Variants in ZNF169 observed in about 807,000 individuals in gnomAD.
ZNF169 encodes the protein zinc finger protein 169.
ZNF169 carries 11 observed loss-of-function variants against 12.0 expected under a neutral mutation model. The observed-to-expected ratio is 0.92, with a 90% CI of 0.58 to 1.52. The LOEUF (loss-of-function observed/expected upper bound fraction) is 1.52, where lower values mean the gene tolerates loss of function less well. ZNF169 is among the 40% of genes most tolerant of loss of function. The probability of loss-of-function intolerance (pLI) is 0.00; values close to 1 mark genes in which losing one functional copy is unlikely to be tolerated. For missense variants in ZNF169, 722 were observed against 744.0 expected, an observed-to-expected ratio of 0.97 and a Z score of 0.34; for synonymous variants, 302 against 286.5, an observed-to-expected ratio of 1.05 and a Z score of -0.55.
chr9:94,299,879 C>G lies in ZNF169; in HGVS notation c.321C>G (p.Leu107=), dbSNP rs1162593886. ...TGGCCTTTTCTAGCTCGCAGCTCCTCAGACAATATGCGCTAAGTGGCCATC... is the reference window on the plus strand; with the variant it reads ...TGGCCTTTTCTAGCTCGCAGCTCCTGAGACAATATGCGCTAAGTGGCCATC... ...HLVAFSSSQL[L]RQYALSGHPT... The change falls in exon 5 of 5, where the codon CTC becomes CTG. Residue 107 remains leucine (L), a synonymous_variant. Coordinates refer to ENST00000395395, the MANE Select transcript of ZNF169 (RefSeq NM_194320.4). The G allele has an allele frequency of 1.5e-5, 25 of 1,614,032 alleles. No homozygotes were observed. The highest frequency in any genetic ancestry group is 2.1e-5 in the Non-Finnish European group (25 of 1,180,048).
At chr9:94,265,579 C>CA (rs58394124) in intron 1 of ZNF169, among the ~76,000 whole-genome samples, 143 of 123,650 alleles carry the variant, frequency 1.2e-3, no homozygotes, top group Middle Eastern at 4.5e-3. Flanking sequence ...GACTCTGTCT[C>CA]AAAAAAAAAA....
At chr9:94,279,119 T>C (rs1334678284) in intron 2 of ZNF169, among the ~76,000 whole-genome samples, 1 of 152,076 alleles carries the variant, frequency 6.6e-6, no homozygotes, top group East Asian at 1.9e-4. Context: ...TACAAAAGTA[T>C]AGTGGCTCAC....
intron 4 of ZNF169, 128 bp from the exon 5 acceptor site, chr9:94,299,676 TGCTGCAATAGA>T (rs748366860): frequency 5.1e-5 from 74 of 1,440,904 alleles, no homozygotes; most frequent in Non-Finnish European, 6.7e-5. Flanking sequence ...GGGTTTTCTG[TGCTGCAATAGA>T]GCATGTAATG....
At chr9:94,270,357 CTCTT>C in intron 1 of ZNF169, among the ~76,000 whole-genome samples, 1 of 151,690 alleles carries the variant, frequency 6.6e-6, no homozygotes, top group Non-Finnish European at 1.5e-5. Flanking sequence ...TTCTTTTCTA[CTCTT>C]TCTTCACTTT....
At position 94,301,419 on chromosome 9, in the gene ZNF169, G is replaced by A. The variant is rs759725937; in HGVS notation, c.*49G>A. On this transcript the variant is annotated 3_prime_UTR_variant, in exon 5 of 5. Transcript: ENST00000395395. ...AAGCTGGCAGAAATCACTAGTAAAT[G>A]CTTCAGTTTCCTGAAATGGAATGGA... is the stretch of plus-strand genomic sequence containing the variant. The A allele has an allele frequency of 3.3e-6, 5 of 1,496,114 alleles. No homozygotes were observed. Among genetic ancestry groups the A allele is most frequent in the Non-Finnish European group, 4.5e-6 (5 of 1,122,268 alleles). 92.7% of individuals were successfully genotyped at this position (1,496,114 alleles called of 1,614,324 possible). A position where few individuals can be genotyped will look rare whatever the true frequency, so the allele number is the denominator to read the frequency against.
rs371526596 is a variant in ZNF169, at chr9:94,292,478, C to T, written c.160+11C>T. 4 of 1,611,148 alleles carry T rather than the reference C, an allele frequency of 2.5e-6. No homozygotes were observed. Among genetic ancestry groups the T allele is most frequent in the Non-Finnish European group, 3.4e-6 (4 of 1,178,450 alleles). Reference sequence around the variant, plus strand: ...ATCTGGTCTCCCTGGGTAAGGCTGGCCTGTTTAAGGTTTCAGATTCTGCTT... The same window carrying T: ...ATCTGGTCTCCCTGGGTAAGGCTGGTCTGTTTAAGGTTTCAGATTCTGCTT... On this transcript the variant is annotated intron_variant, in intron 3 of 4. Transcript: ENST00000395395.
At position 94,300,111 on chromosome 9, in the gene ZNF169, G is replaced by A; in HGVS notation, c.553G>A (p.Asp185Asn). The A allele has an allele frequency of 6.2e-7, 1 of 1,614,184 alleles. No individual in the cohort carries two copies. The highest frequency in any genetic ancestry group is 1.1e-5 in the South Asian group (1 of 91,082). Residue 185 changes from aspartate (D) to asparagine (N), a missense_variant, in exon 5 of 5, where the codon GAC (aspartate) becomes AAC (asparagine). Transcript: ENST00000395395. ...WVEGNREGGT[D>N]LRLAQRMSLG... ...AGAAGGGAACAGAGAAGGAGGAACA[G>A]ACCTTCGCCTGGCCCAAAGGATGAG...
intron 1 of ZNF169, among the ~76,000 whole-genome samples, chr9:94,260,400 G>A (rs1830180509): frequency 6.6e-6 from 1 of 152,166 alleles, no homozygotes; most frequent in Non-Finnish European, 1.5e-5. Context: ...CACTGTGGTG[G>A]TGATGGTGCA....
At chr9:94,264,317 G>A (rs879820083) in intron 1 of ZNF169, among the ~76,000 whole-genome samples, 1 of 152,066 alleles carries the variant, frequency 6.6e-6, no homozygotes, top group African/African-American at 2.4e-5. Context: ...TGTATTTTTA[G>A]TAGAGATGGG....
intron 1 of ZNF169, among the ~76,000 whole-genome samples, chr9:94,272,915 C>T (rs1010982801): frequency 1.3e-5 from 2 of 151,964 alleles, no homozygotes; most frequent in African/African-American, 2.4e-5. Context: ...TTGTAGTGGC[C>T]ATACAAATTG....
intron 2 of ZNF169, chr9:94,288,483 T>A (rs1830761459): frequency 1.3e-6 from 1 of 793,064 alleles, no homozygotes; most frequent in Non-Finnish European, 2.1e-6. Flanking sequence ...TTAAGCCAAA[T>A]CCATAGCCAT....
At chr9:94,282,590 T>C (rs1830661058) in intron 2 of ZNF169, among the ~76,000 whole-genome samples, 1 of 152,188 alleles carries the variant, frequency 6.6e-6, no homozygotes, top group South Asian at 2.1e-4. Context: ...TGACTTTGAA[T>C]AGAATGGGAG....
At chr9:94,271,811 G>A (rs1281017042) in intron 1 of ZNF169, among the ~76,000 whole-genome samples, 2 of 151,956 alleles carry the variant, frequency 1.3e-5, no homozygotes, top group South Asian at 4.1e-4. Context: ...CTATTGCTGG[G>A]TTTGACTTTC....
Position 94,274,313 on chromosome 9 carries a change from A to G in ZNF169, c.-55-4445A>G, listed in dbSNP as rs1452648058. 3.3e-5 allele frequency among the ~76,000 whole-genome samples: 5 copies of G among 152,212 alleles called. No individual in the cohort carries two copies. The East Asian group carries it at 9.6e-4, about 29-fold the overall frequency. ...GACAAGGAATAATTCAGCCTGGAAC[A>G]GCTCCAAGTCACAAATTTGGTAAGT... is the stretch of plus-strand genomic sequence containing the variant. On this transcript the variant is annotated intron_variant, in intron 1 of 4. Coordinates refer to ENST00000395395, the MANE Select transcript of ZNF169 (RefSeq NM_194320.4).
At chr9:94,282,489 C>T (rs938375835) in intron 2 of ZNF169, among the ~76,000 whole-genome samples, 2 of 152,118 alleles carry the variant, frequency 1.3e-5, no homozygotes, top group Non-Finnish European at 2.9e-5. Flanking sequence ...GTTACAGATA[C>T]GTGAGAGGGA....
At chr9:94,280,672 G>A (rs1427552145) in intron 2 of ZNF169, among the ~76,000 whole-genome samples, 3 of 152,192 alleles carry the variant, frequency 2.0e-5, no homozygotes, top group Non-Finnish European at 4.4e-5. Flanking sequence ...AGGGGAAGGG[G>A]TTCTTATTCC....
Position 94,301,045 on chromosome 9 carries a change from G to A in ZNF169, c.1487G>A (p.Gly496Asp). The A allele has an allele frequency of 6.2e-7, 1 of 1,614,092 alleles. No individual in the cohort carries two copies. ...YLCPKCGRAF[G>D]FKSLLTRHQR... ...TGCCCCAAGTGTGGGCGTGCATTTG[G>A]CTTTAAGTCGCTCCTCACCCGACAC... The change falls in exon 5 of 5, where the codon GGC (glycine) becomes GAC (aspartate). Residue 496 changes from glycine (G) to aspartate (D), a missense_variant. Gly to Asp is a moderately conservative substitution (Grantham distance 94). Transcript: ENST00000395395.
chr9:94,292,560 G>GT lies in ZNF169; in HGVS notation c.160+99dup, dbSNP rs960312960. On this transcript the variant is annotated intron_variant, in intron 3 of 4. Transcript: ENST00000395395. ...GCCATGCTTCTGACTCAGAAAAACAGTTTTTTCCCCTATTCCCCCAGAGAA... is the reference window on the plus strand; with the variant it reads ...GCCATGCTTCTGACTCAGAAAAACAGTTTTTTTCCCCTATTCCCCCAGAGAA... 29 of 1,525,522 alleles carry GT rather than the reference G, an allele frequency of 1.9e-5. 3 individuals are homozygous for GT. Among genetic ancestry groups the GT allele is most frequent in the Middle Eastern group, 3.5e-4 (2 of 5,660 alleles). The allele number at this position is 1,525,522 out of a possible 1,614,324, so 94.5% of individuals were successfully genotyped here.
chr9:94,266,673 G>T (rs529897027), intron 1 of ZNF169, among the ~76,000 whole-genome samples: 27 of 152,246 alleles, frequency 1.8e-4, no homozygotes, highest in African/African-American at 6.5e-4. Flanking sequence ...TTATTTTGGA[G>T]ACCTGTAGAC....
Sources: allele counts gnomAD v4.1 joint callset (sites outside exome capture counted in the v4.1 genomes callset), GRCh38; gene constraint gnomAD v4.1.1; transcripts MANE v1.5; gene names NCBI Gene and HGNC (gene_info 2026-07-23, HGNC 2026-07-21).